The following ASIC2 variants were observed in gnomAD, a reference collection of about 807,000 sequenced individuals.
ASIC2 encodes the protein acid sensing ion channel subunit 2, also known as acid-sensing ion channel 2.
A neutral mutation model predicts 57.3 loss-of-function variants in ASIC2; 25 were observed. That is an observed-to-expected ratio of 0.44 (90% CI 0.32 to 0.61). The LOEUF is 0.61. ASIC2 is among the 20% of genes least tolerant of loss of function. ASIC2 has a pLI of 0.06. For synonymous variants in ASIC2, 319 were observed against 307.5 expected (o/e 1.04, Z -0.39); for missense variants, 641 against 738.1 (o/e 0.87, Z 1.52).
chr17:33,175,292 G>A (rs1033152405), intron 1 of ASIC2, among the ~76,000 whole-genome samples: 1 of 152,164 alleles, frequency 6.6e-6, no homozygotes, highest in African/African-American at 2.4e-5. Context: ...GGCCTGAGAT[G>A]CTTTTCTCCT....
At chr17:33,213,332 T>C (rs1231004310) in intron 1 of ASIC2, among the ~76,000 whole-genome samples, 1 of 152,150 alleles carries the variant, frequency 6.6e-6, no homozygotes, top group Non-Finnish European at 1.5e-5. Context: ...ATCTGAAGGC[T>C]CTGAAGATGA....
At chr17:33,183,374 A>C (rs1226342495) in intron 1 of ASIC2, among the ~76,000 whole-genome samples, 2 of 152,246 alleles carry the variant, frequency 1.3e-5, no homozygotes, top group African/African-American at 4.8e-5. Flanking sequence ...TGAAAAAATT[A>C]CAATACATAA....
chr17:34,132,225 G>C (rs767435100), intron 1 of ASIC2, among the ~76,000 whole-genome samples: 137 of 152,176 alleles, frequency 9.0e-4, no homozygotes, highest in Non-Finnish European at 1.4e-3. Flanking sequence ...CGGTAAGTTC[G>C]TGGTGTCGCT....
chr17:33,722,258 A>G (rs1490224923), intron 1 of ASIC2, among the ~76,000 whole-genome samples: 1 of 152,136 alleles, frequency 6.6e-6, no homozygotes, highest in Non-Finnish European at 1.5e-5. Flanking sequence ...ACCATGTAAG[A>G]TGTGACTTGG....
intron 1 of ASIC2, among the ~76,000 whole-genome samples, chr17:33,600,899 A>G (rs912919568): frequency 2.0e-5 from 3 of 152,204 alleles, no homozygotes; most frequent in African/African-American, 7.2e-5. Flanking sequence ...ACTGGAATAA[A>G]GGCCATCCCT....
intron 1 of ASIC2, among the ~76,000 whole-genome samples, chr17:33,640,354 C>G (rs1567676803): frequency 6.6e-6 from 1 of 152,166 alleles, no homozygotes; most frequent in South Asian, 2.1e-4. Context: ...GCACACCCAC[C>G]TTTGCATTTC....
intron 3 of ASIC2, among the ~76,000 whole-genome samples, chr17:33,047,273 T>G (rs1224530017): frequency 6.6e-6 from 1 of 152,144 alleles, no homozygotes; most frequent in Non-Finnish European, 1.5e-5. Flanking sequence ...CTAGAAATGC[T>G]GCAATCCTTG....
chr17:33,071,225 C>G (rs2188949), intron 3 of ASIC2, among the ~76,000 whole-genome samples: 142,156 of 152,224 alleles, frequency 0.93, 66,439 homozygotes, highest in African/African-American at 0.97. Flanking sequence ...CTTCTTGAAA[C>G]ACTCTAAATA....
chr17:33,068,840 G>A (rs867824782), intron 3 of ASIC2, among the ~76,000 whole-genome samples: 36 of 151,554 alleles, frequency 2.4e-4, no homozygotes, highest in African/African-American at 8.7e-4. Flanking sequence ...CATTGATTTC[G>A]GCTGCAATCA....
chr17:33,235,835 T>C (rs1908274382), intron 1 of ASIC2, among the ~76,000 whole-genome samples: 1 of 152,082 alleles, frequency 6.6e-6, no homozygotes. Flanking sequence ...GATATATCAT[T>C]ATTATTATTA....
At chr17:33,337,047 G>T (rs566457528) in intron 1 of ASIC2, among the ~76,000 whole-genome samples, 20 of 143,738 alleles carry the variant, frequency 1.4e-4, no homozygotes, top group Non-Finnish European at 2.9e-4. Context: ...GGCTCTCCAA[G>T]CACCCTCCAG....
At chr17:33,879,080 C>T (rs1914629290) in intron 1 of ASIC2, among the ~76,000 whole-genome samples, 1 of 152,100 alleles carries the variant, frequency 6.6e-6, no homozygotes, top group African/African-American at 2.4e-5. Context: ...CACCACCAGG[C>T]CTGCCCTAAA....
At chr17:33,867,885 C>T (rs539043029) in intron 1 of ASIC2, among the ~76,000 whole-genome samples, 1 of 152,280 alleles carries the variant, frequency 6.6e-6, no homozygotes, top group East Asian at 1.9e-4. Flanking sequence ...CTGCTGTCAC[C>T]CTCTGAAAGC....
chr17:33,146,254 A>C (rs1555574140), intron 1 of ASIC2, among the ~76,000 whole-genome samples: 1 of 152,214 alleles, frequency 6.6e-6, no homozygotes, highest in Non-Finnish European at 1.5e-5. Flanking sequence ...AACTAAATGA[A>C]TACCACTGGG....
At chr17:33,597,535 G>C (rs906760902) in intron 1 of ASIC2, among the ~76,000 whole-genome samples, 8 of 151,776 alleles carry the variant, frequency 5.3e-5, no homozygotes, top group African/African-American at 7.3e-5. Context: ...TTTTTTTCAA[G>C]AATCAGGTGG....
intron 3 of ASIC2, among the ~76,000 whole-genome samples, chr17:33,062,228 T>C (rs538093100): frequency 6.6e-6 from 1 of 152,332 alleles, no homozygotes; most frequent in African/African-American, 2.4e-5. Flanking sequence ...TGCTCTTGCT[T>C]CTCTAGTTCT....
chr17:33,517,773 A>G (rs1443552992), intron 1 of ASIC2, among the ~76,000 whole-genome samples: 2 of 152,104 alleles, frequency 1.3e-5, no homozygotes, highest in East Asian at 3.9e-4. Context: ...TGGGTGCAGC[A>G]CACCAACATG....
chr17:33,744,256 C>A (rs951320169), intron 1 of ASIC2, among the ~76,000 whole-genome samples: 10 of 152,208 alleles, frequency 6.6e-5, no homozygotes, highest in Non-Finnish European at 1.3e-4. Flanking sequence ...TCAAAAACTA[C>A]CCCTTTTCCA....
At chr17:33,577,869 C>A (rs765462121) in intron 1 of ASIC2, among the ~76,000 whole-genome samples, 1 of 152,308 alleles carries the variant, frequency 6.6e-6, no homozygotes, top group African/African-American at 2.4e-5. Context: ...AGAAGAGAAC[C>A]TTTCCAGTGG....
Sources: allele counts gnomAD v4.1 joint callset (sites outside exome capture counted in the v4.1 genomes callset), GRCh38; gene constraint gnomAD v4.1.1; transcripts MANE v1.5; gene names NCBI Gene and HGNC (gene_info 2026-07-23, HGNC 2026-07-21).